Variants in SAMTOR observed in about 807,000 individuals in gnomAD.
The protein encoded by SAMTOR is S-adenosylmethionine sensor upstream of mTORC1, also known as UPF0532 protein C7orf60.
At chr7:112,873,172 T>C in the SAMTOR span, among the ~76,000 whole-genome samples, 2 of 152,018 alleles carry the variant, frequency 1.3e-5, no homozygotes, top group African/African-American at 4.8e-5. Flanking sequence ...ATGCTCTTCC[T>C]ATCAAATCAC....
chr7:112,876,316 G>A, the SAMTOR span, among the ~76,000 whole-genome samples: 2 of 152,030 alleles, frequency 1.3e-5, no homozygotes, highest in East Asian at 3.9e-4. Flanking sequence ...CTTAGGTCCA[G>A]GCTCATATTT....
At chr7:112,821,646 C>A in the SAMTOR span, 1 of 1,176,244 alleles carries the variant, frequency 8.5e-7, no homozygotes, top group Non-Finnish European at 1.2e-6. Context: ...TTCTTTTATG[C>A]AAACCAGGTT....
the SAMTOR span, among the ~76,000 whole-genome samples, chr7:112,936,256 AC>A: frequency 6.6e-6 from 1 of 152,158 alleles, no homozygotes; most frequent in Non-Finnish European, 1.5e-5. Flanking sequence ...CACCAGAAAT[AC>A]CCCTTCGCAT....
At chr7:112,925,558 C>T in the SAMTOR span, among the ~76,000 whole-genome samples, 1 of 152,254 alleles carries the variant, frequency 6.6e-6, no homozygotes, top group Middle Eastern at 3.4e-3. Context: ...CTTTGGGAGG[C>T]CAAGGCCGGC....
At chr7:112,858,674 T>C in the SAMTOR span, among the ~76,000 whole-genome samples, 1 of 152,218 alleles carries the variant, frequency 6.6e-6, no homozygotes, top group Non-Finnish European at 1.5e-5. Context: ...AAAGTGTATA[T>C]ACTTAATGAA....
chr7:112,866,916 A>G, the SAMTOR span, among the ~76,000 whole-genome samples: 2 of 152,246 alleles, frequency 1.3e-5, no homozygotes, highest in Non-Finnish European at 2.9e-5. Flanking sequence ...TGTTACTGCT[A>G]TACTTTCTCA....
chr7:112,910,032 C>T, the SAMTOR span, among the ~76,000 whole-genome samples: 11 of 151,712 alleles, frequency 7.3e-5, no homozygotes, highest in East Asian at 1.9e-4. Context: ...CAGGTCTCGA[C>T]GAGGGGAAGC....
chr7:112,919,612 A>G, the SAMTOR span, among the ~76,000 whole-genome samples: 2 of 152,208 alleles, frequency 1.3e-5, no homozygotes, highest in South Asian at 4.1e-4. Context: ...GCAGAACTGA[A>G]GAAAATAGAG....
At chr7:112,888,786 A>C in the SAMTOR span, among the ~76,000 whole-genome samples, 1 of 152,286 alleles carries the variant, frequency 6.6e-6, no homozygotes, top group Non-Finnish European at 1.5e-5. Flanking sequence ...TTTGATAGTA[A>C]AGGATACATA....
the SAMTOR span, among the ~76,000 whole-genome samples, chr7:112,835,257 A>C: frequency 6.6e-6 from 1 of 152,032 alleles, no homozygotes; most frequent in Non-Finnish European, 1.5e-5. Context: ...ATAAGTTCCT[A>C]ATCTGTGAAA....
chr7:112,841,959 T>C, the SAMTOR span, among the ~76,000 whole-genome samples: 2,967 of 152,196 alleles, frequency 0.019, 37 homozygotes, highest in Non-Finnish European at 0.029. Flanking sequence ...ACTTAAGACC[T>C]AAAACCATAA....
At chr7:112,830,507 CA>C in the SAMTOR span, among the ~76,000 whole-genome samples, 5 of 152,090 alleles carry the variant, frequency 3.3e-5, no homozygotes, top group Non-Finnish European at 7.4e-5. Flanking sequence ...AGGATCAGAT[CA>C]AATGGTCATG....
chr7:112,831,695 T>C, the SAMTOR span, among the ~76,000 whole-genome samples: 1 of 152,278 alleles, frequency 6.6e-6, no homozygotes, highest in East Asian at 1.9e-4. Flanking sequence ...CTTCACTGAA[T>C]TGAAATGATA....
the SAMTOR span, among the ~76,000 whole-genome samples, chr7:112,862,985 T>C: frequency 6.6e-6 from 1 of 152,036 alleles, no homozygotes; most frequent in African/African-American, 2.4e-5. Flanking sequence ...TCAGCCACTA[T>C]GACAGCTGAT....
chr7:112,933,482 G>C, the SAMTOR span, among the ~76,000 whole-genome samples: 1 of 152,174 alleles, frequency 6.6e-6, no homozygotes, highest in Non-Finnish European at 1.5e-5. Context: ...GGTGCAGCGA[G>C]ACTACCTATT....
chr7:112,883,886 A>G, the SAMTOR span, among the ~76,000 whole-genome samples: 3 of 152,224 alleles, frequency 2.0e-5, no homozygotes, highest in Non-Finnish European at 2.9e-5. Flanking sequence ...ATGGTGTATT[A>G]GTCTGTTCTC....
chr7:112,832,720 T>A, the SAMTOR span: 6 of 1,211,596 alleles, frequency 5.0e-6, no homozygotes, highest in Non-Finnish European at 7.3e-6. Flanking sequence ...TATGAGAATG[T>A]AAGAAATCAC....
the SAMTOR span, among the ~76,000 whole-genome samples, chr7:112,877,632 A>G: frequency 6.6e-6 from 1 of 152,124 alleles, no homozygotes; most frequent in Non-Finnish European, 1.5e-5. Flanking sequence ...TATGGCTGGT[A>G]TAGTTTGGAT....
chr7:112,917,239 C>T, the SAMTOR span, among the ~76,000 whole-genome samples: 3 of 152,188 alleles, frequency 2.0e-5, no homozygotes, highest in South Asian at 2.1e-4. Context: ...CGGCCGGGTA[C>T]TCCTCTGAGA....
Sources: gnomAD v4.1 joint callset for allele counts (sites outside exome capture counted in the v4.1 genomes callset) on GRCh38, gnomAD v4.1.1 for gene constraint, MANE v1.5 for transcripts, NCBI Gene and HGNC (gene_info 2026-07-23, HGNC 2026-07-21) for gene names.